Variants in STK32B observed in about 807,000 individuals in gnomAD.
STK32B encodes serine/threonine kinase 32B.
In STK32B, 43 loss-of-function variants were observed where a neutral mutation model predicts 52.6. The observed-to-expected ratio is 0.82, with a 90% CI of 0.64 to 1.05. STK32B has a LOEUF of 1.05. Ranked by LOEUF, STK32B falls within the 50% of genes least tolerant of loss-of-function variation. STK32B has a pLI of 0.00. For missense variants in STK32B, 621 were observed against 534.6 expected (o/e 1.16, Z -1.59); for synonymous variants, 238 against 204.3 (o/e 1.17, Z -1.41).
intron 3 of STK32B, among the ~76,000 whole-genome samples, chr4:5,193,588 C>G (rs1359622358): frequency 6.6e-6 from 1 of 152,250 alleles, no homozygotes; most frequent in Non-Finnish European, 1.5e-5. Context: ...TCTCCTCCGG[C>G]TGTGCTGCAT....
intron 3 of STK32B, among the ~76,000 whole-genome samples, chr4:5,265,916 T>C (rs1727026143): frequency 6.6e-6 from 1 of 152,236 alleles, no homozygotes; most frequent in South Asian, 2.1e-4. Context: ...CACTGTCCTA[T>C]TTTTAGATAA....
chr4:5,499,132 C>G lies in STK32B; in HGVS notation c.*49C>G. 1.3e-6 allele frequency: 2 copies of G among 1,537,260 alleles called. No individual in the cohort carries two copies. Among genetic ancestry groups the G allele is most frequent in the Non-Finnish European group, 8.8e-7 (1 of 1,135,972 alleles). On this transcript the variant is annotated 3_prime_UTR_variant, in exon 12 of 12. Transcript: ENST00000282908. ...AGGACTGCACTCGTCTCTGCCCTGCCCACCCAGAGCCCCTCTTTGTGCCCT... is the reference window on the plus strand; with the variant it reads ...AGGACTGCACTCGTCTCTGCCCTGCGCACCCAGAGCCCCTCTTTGTGCCCT...
At chr4:5,325,745 G>T (rs899744550) in intron 3 of STK32B, among the ~76,000 whole-genome samples, 3 of 152,134 alleles carry the variant, frequency 2.0e-5, no homozygotes, top group Non-Finnish European at 2.9e-5. Flanking sequence ...TTTTTCCATA[G>T]GTCAGAGTTA....
intron 7 of STK32B, among the ~76,000 whole-genome samples, chr4:5,456,380 C>T (rs74488822): frequency 0.021 from 3,187 of 152,356 alleles, 137 homozygotes; most frequent in African/African-American, 0.071. Context: ...TGGGCCAGTT[C>T]GGCCCGGACA....
intron 3 of STK32B, among the ~76,000 whole-genome samples, chr4:5,226,551 G>C (rs1267811135): frequency 1.3e-5 from 2 of 152,156 alleles, no homozygotes; most frequent in African/African-American, 4.8e-5. Flanking sequence ...TTTGTCCACC[G>C]TATCTATGCC....
chr4:5,270,424 G>A (rs1034398765), intron 3 of STK32B, among the ~76,000 whole-genome samples: 6 of 151,992 alleles, frequency 3.9e-5, no homozygotes, highest in South Asian at 2.1e-4. Flanking sequence ...ATTAGATGGC[G>A]CCCACCCAGA....
intron 4 of STK32B, among the ~76,000 whole-genome samples, chr4:5,367,689 T>C (rs1445675807): frequency 6.6e-6 from 1 of 152,254 alleles, no homozygotes; most frequent in Non-Finnish European, 1.5e-5. Context: ...CAGTTTATTA[T>C]GTGATCTCTG....
intron 3 of STK32B, among the ~76,000 whole-genome samples, chr4:5,319,947 T>C (rs905748336): frequency 6.6e-6 from 1 of 152,102 alleles, no homozygotes; most frequent in African/African-American, 2.4e-5. Flanking sequence ...GGATGCAACT[T>C]ACTGAGAAAC....
At chr4:5,210,852 G>A (rs1722863577) in intron 3 of STK32B, among the ~76,000 whole-genome samples, 1 of 150,566 alleles carries the variant, frequency 6.6e-6, no homozygotes, top group Non-Finnish European at 1.5e-5. Context: ...CTGGAATGCA[G>A]TGGTGTGATC....
intron 3 of STK32B, among the ~76,000 whole-genome samples, chr4:5,185,356 A>G (rs965281903): frequency 3.3e-5 from 5 of 152,194 alleles, no homozygotes; most frequent in Admixed American, 2.6e-4. Flanking sequence ...GTAGGTTTCT[A>G]GAATCATTTT....
chr4:5,362,885 C>T (rs938504027), intron 4 of STK32B, among the ~76,000 whole-genome samples: 2 of 152,178 alleles, frequency 1.3e-5, no homozygotes, highest in African/African-American at 4.8e-5. Flanking sequence ...ATACTTAGTG[C>T]TTTCATCAAT....
chr4:5,468,942 C>T (rs60550693), intron 11 of STK32B, among the ~76,000 whole-genome samples: 12,264 of 151,394 alleles, frequency 0.081, 1,558 homozygotes, highest in African/African-American at 0.27. Context: ...CCCAGCTACT[C>T]GGGAGGCTGA....
At chr4:5,454,593 A>G (rs1716330498) in intron 7 of STK32B, among the ~76,000 whole-genome samples, 1 of 152,058 alleles carries the variant, frequency 6.6e-6, no homozygotes, top group South Asian at 2.1e-4. Flanking sequence ...ACTTTAGCAT[A>G]TGAATTTGGG....
chr4:5,028,334 A>G, the STK32B span, among the ~76,000 whole-genome samples: 1 of 151,902 alleles, frequency 6.6e-6, no homozygotes, highest in Non-Finnish European at 1.5e-5. Context: ...TTCTTGGATG[A>G]TTTTCTATTT....
chr4:5,487,951 C>A (rs934617900), intron 11 of STK32B, among the ~76,000 whole-genome samples: 1 of 152,226 alleles, frequency 6.6e-6, no homozygotes, highest in African/African-American at 2.4e-5. Context: ...AGGAACAAAG[C>A]AAGTCTCATT....
In STK32B at chr4:5,416,951, C is replaced by A. The variant is rs1345986499; in HGVS notation, c.562+17C>A. The A allele has an allele frequency of 6.2e-7, 1 of 1,604,230 alleles. No individual in the cohort carries two copies. The highest frequency in any genetic ancestry group is 1.7e-5 in the Admixed American group (1 of 58,670). The stretch of plus-strand genomic sequence containing the variant: ...CCTACATGGGTGAGTGTTCCAGGCC[C>A]CTTCTTTTCATGTGATCGGGCTCAC... On this transcript the variant is annotated intron_variant, in intron 6 of 11. Coordinates refer to ENST00000282908, the MANE Select transcript of STK32B (RefSeq NM_018401.3).
At chr4:5,465,281 CT>C (rs1364933617) in intron 9 of STK32B, among the ~76,000 whole-genome samples, 1 of 152,150 alleles carries the variant, frequency 6.6e-6, no homozygotes, top group Admixed American at 6.5e-5. Flanking sequence ...GCCTCACAGA[CT>C]TGCACTAGTG....
chr4:5,359,378 A>ACCACTCATCCCT (rs1476033925), intron 4 of STK32B, among the ~76,000 whole-genome samples: 1 of 123,084 alleles, frequency 8.1e-6, no homozygotes, highest in Non-Finnish European at 1.7e-5. Context: ...CACTCATCCA[A>ACCACTCATCCCT]CCCTCCCTCC....
At chr4:5,228,872 C>G (rs1223504467) in intron 3 of STK32B, among the ~76,000 whole-genome samples, 2 of 152,070 alleles carry the variant, frequency 1.3e-5, no homozygotes, top group Non-Finnish European at 2.9e-5. Context: ...AAGCCTGAGA[C>G]AGGAGAATTG....
Sources: allele counts gnomAD v4.1 joint callset (sites outside exome capture counted in the v4.1 genomes callset), GRCh38; gene constraint gnomAD v4.1.1; transcripts MANE v1.5; gene names NCBI Gene and HGNC (gene_info 2026-07-23, HGNC 2026-07-21).